The following SHANK2 variants were observed in gnomAD, a reference collection of about 807,000 sequenced individuals.
SHANK2 encodes the protein SH3 and multiple ankyrin repeat domains protein 2.
A neutral mutation model predicts 133.7 loss-of-function variants in SHANK2; 43 were observed. The observed-to-expected ratio is 0.32, with a 90% CI of 0.25 to 0.41. The LOEUF is 0.41. Among genes scored for constraint, SHANK2 ranks in the 10% least tolerant of loss-of-function variants. The pLI, the probability that SHANK2 is intolerant of heterozygous loss-of-function variation, is 1.00. For missense variants in SHANK2, 1,994 were observed against 2,235.8 expected (o/e 0.89, Z 2.18); for synonymous variants, 1,017 against 952.8 (o/e 1.07, Z -1.24).
chr11:70,631,256 G>T (rs1555002047), intron 17 of SHANK2: 2 of 152,292 alleles, frequency 1.3e-5, no homozygotes, highest in South Asian at 4.1e-4. Context: ...CTAAAACAGG[G>T]GAGGGTAGCC....
Position 70,472,818 on chromosome 11 carries a change from C to G in SHANK2, c.*51G>C, listed in dbSNP as rs1555148924. 4 of 1,552,396 alleles carry G rather than the reference C, an allele frequency of 2.6e-6. No individual in the cohort carries two copies. The highest frequency in any genetic ancestry group is 3.6e-6 in the Non-Finnish European group (4 of 1,123,924). On this transcript the variant is annotated 3_prime_UTR_variant, in exon 26 of 26. Transcript: ENST00000601538. This position sits in a 1 kb window ranked among gnomAD's most constrained non-coding sequence, Gnocchi z 4.4. ...TGGCATTCAGATGTTTCAGCACGAGCCCATCTCTACTTATAACAAGAGCAG... is the reference window on the plus strand; with the variant it reads ...TGGCATTCAGATGTTTCAGCACGAGGCCATCTCTACTTATAACAAGAGCAG...
At chr11:71,224,543 C>A (rs1044888015) in intron 2 of SHANK2, among the ~76,000 whole-genome samples, 154 bp downstream of exon 2, 3 of 152,216 alleles carry the variant, frequency 2.0e-5, no homozygotes, top group African/African-American at 7.2e-5. Context: ...CATCCACCCT[C>A]TTCCCACCCA....
At chr11:70,658,292 C>CACACACACACACAG (rs1565220620) in intron 17 of SHANK2, among the ~76,000 whole-genome samples, 13 of 142,338 alleles carry the variant, frequency 9.1e-5, no homozygotes, top group Admixed American at 3.6e-4. Flanking sequence ...GACACACACA[C>CACACACACACACAG]ACACACACAC....
At chr11:70,677,136 A>G (rs1944917831) in intron 15 of SHANK2, among the ~76,000 whole-genome samples, 1 of 152,200 alleles carries the variant, frequency 6.6e-6, no homozygotes, top group African/African-American at 2.4e-5. Flanking sequence ...GAACTTAGCA[A>G]CGGAGTGGAT....
At chr11:70,503,056 G>A in intron 17 of SHANK2, 125 bp from the exon 18 acceptor site, 3 of 1,039,434 alleles carry the variant, frequency 2.9e-6, no homozygotes, top group Non-Finnish European at 4.5e-6. Flanking sequence ...CAAAGGGAGT[G>A]AGACCGTCAT....
intron 14 of SHANK2, among the ~76,000 whole-genome samples, chr11:70,792,810 G>T (rs1005886709): frequency 2.0e-5 from 3 of 152,140 alleles, no homozygotes; most frequent in Non-Finnish European, 4.4e-5. Flanking sequence ...AAAGGGCCAG[G>T]CATGGTGGCT....
chr11:71,203,572 G>A (rs1327983923), intron 2 of SHANK2, among the ~76,000 whole-genome samples: 1 of 152,088 alleles, frequency 6.6e-6, no homozygotes, highest in Non-Finnish European at 1.5e-5. Flanking sequence ...TGCACTCCAG[G>A]CAACAGACCA....
At chr11:70,952,217 T>C (rs1255576671) in intron 10 of SHANK2, among the ~76,000 whole-genome samples, 2 of 152,106 alleles carry the variant, frequency 1.3e-5, no homozygotes, top group African/African-American at 4.8e-5. Context: ...TGGCTGAGAG[T>C]GGGCCGGTTT....
chr11:70,557,603 AGGGCAAGAGCTGACAGTGGGGCCT>A (rs2059850311), intron 17 of SHANK2, among the ~76,000 whole-genome samples: 1 of 151,956 alleles, frequency 6.6e-6, no homozygotes, highest in African/African-American at 2.4e-5. Context: ...CCGCGGGGCC[AGGGCAAGAGCTGACAGTGGGGCCT>A]GGGGGAGCTG....
intron 10 of SHANK2, among the ~76,000 whole-genome samples, chr11:70,947,132 A>AACAG (rs1491266219): frequency 1.6e-4 from 20 of 126,534 alleles, no homozygotes; most frequent in African/African-American, 5.9e-4. Context: ...GCACCTCTCC[A>AACAG]ACACACACAC....
intron 9 of SHANK2, among the ~76,000 whole-genome samples, chr11:71,065,882 G>C (rs1247815995): frequency 1.5e-5 from 2 of 131,298 alleles, no homozygotes; most frequent in East Asian, 2.5e-4. Context: ...GGGAAGTTGG[G>C]GGGGATACAG....
At chr11:70,774,536 T>C (rs1947321989) in intron 14 of SHANK2, among the ~76,000 whole-genome samples, 1 of 152,098 alleles carries the variant, frequency 6.6e-6, no homozygotes, top group African/African-American at 2.4e-5. Context: ...GCCAGGCTGG[T>C]CTCGAACTCC....
At chr11:70,705,018 AC>A (rs2134537487) in intron 14 of SHANK2, 1 of 152,330 alleles carries the variant, frequency 6.6e-6, no homozygotes, top group South Asian at 2.1e-4. Context: ...GGGCATGGCC[AC>A]CAAAACATTT....
At position 70,824,079 on chromosome 11, in the gene SHANK2, C is replaced by A. The variant is rs574025905; in HGVS notation, c.1175-3397G>T. Among the ~76,000 whole-genome samples the A allele has an allele frequency of 2.7e-5, 4 of 147,996 alleles. No homozygotes were observed. In the East Asian group the frequency reaches 7.9e-4, roughly 29 times the overall value. ...GGCAGGGCTCACAGGACAGAGGTGG[C>A]GTTGATGGAGCTCCTGAGGGCAGAG... On this transcript the variant is annotated intron_variant, in intron 11 of 25. Transcript: ENST00000601538.
chr11:70,684,096 T>C (rs1010018874), intron 15 of SHANK2, among the ~76,000 whole-genome samples: 1 of 152,064 alleles, frequency 6.6e-6, no homozygotes, highest in Non-Finnish European at 1.5e-5. Flanking sequence ...GGATGCATAG[T>C]TTTGAATAAA....
intron 3 of SHANK2, 94 bp downstream of exon 3, chr11:71,147,026 C>T (rs1555106812): frequency 9.2e-7 from 1 of 1,082,112 alleles, no homozygotes; most frequent in South Asian, 1.6e-5. Flanking sequence ...CAGTCAGGAC[C>T]GTGGGTCCGG....
intron 15 of SHANK2, among the ~76,000 whole-genome samples, chr11:70,662,957 G>A (rs992662111): frequency 5.9e-5 from 9 of 152,250 alleles, no homozygotes; most frequent in South Asian, 2.1e-4. Context: ...GCTGCTGCCC[G>A]GAAGTTAGTG....
chr11:70,899,180 T>C (rs1949987787), intron 10 of SHANK2, among the ~76,000 whole-genome samples: 1 of 152,170 alleles, frequency 6.6e-6, no homozygotes, highest in African/African-American at 2.4e-5. Context: ...ATAATCCCCA[T>C]GATCCCCATG....
chr11:70,710,644 G>A (rs1306538408), intron 14 of SHANK2, among the ~76,000 whole-genome samples: 1 of 152,232 alleles, frequency 6.6e-6, no homozygotes, highest in Non-Finnish European at 1.5e-5. Context: ...AGAAGGGGAA[G>A]TCGGAGAGAC....
Sources: allele counts gnomAD v4.1 joint callset (sites outside exome capture counted in the v4.1 genomes callset), GRCh38; gene constraint gnomAD v4.1.1; non-coding constraint Gnocchi (gnomAD v3.1); transcripts MANE v1.5; gene names NCBI Gene and HGNC (gene_info 2026-07-23, HGNC 2026-07-21).